The following ZNF730 variants were observed in gnomAD, a reference collection of about 807,000 sequenced individuals.
ZNF730 encodes zinc finger protein 730.
ZNF730 carries 12 observed loss-of-function variants against 12.6 expected under a neutral mutation model. The observed-to-expected ratio is 0.95, with a 90% CI of 0.61 to 1.54. The LOEUF is 1.54. Ranked by LOEUF, ZNF730 falls within the 40% of genes most tolerant of loss-of-function variation. The pLI is 0.00. For missense variants in ZNF730, 643 were observed against 583.5 expected (o/e 1.10, Z -1.05); for synonymous variants, 194 against 195.8 (o/e 0.99, Z 0.08).
intron 1 of ZNF730, among the ~76,000 whole-genome samples, chr19:23,118,366 G>GT (rs3841327): frequency 0.2 from 27,306 of 139,322 alleles, 2,684 homozygotes; most frequent in African/African-American, 0.27. Flanking sequence ...TTTGTTTTTT[G>GT]TTTTTTTTTT....
At chr19:23,140,433 G>A (rs1272876109) in intron 3 of ZNF730, among the ~76,000 whole-genome samples, 2 of 150,408 alleles carry the variant, frequency 1.3e-5, no homozygotes, top group African/African-American at 2.4e-5. Context: ...AACATGGTGA[G>A]ACCCCATCTC....
At chr19:23,132,471 G>A (rs1970756420) in intron 1 of ZNF730, among the ~76,000 whole-genome samples, 2 of 151,482 alleles carry the variant, frequency 1.3e-5, no homozygotes, top group African/African-American at 4.9e-5. Context: ...TCTTATAATA[G>A]TCAAGGATCT....
intron 1 of ZNF730, among the ~76,000 whole-genome samples, chr19:23,096,582 T>C (rs1297105781): frequency 2.0e-5 from 3 of 152,168 alleles, no homozygotes; most frequent in Non-Finnish European, 4.4e-5. Flanking sequence ...TACATATAGC[T>C]GGGCGCAGCC....
intron 1 of ZNF730, among the ~76,000 whole-genome samples, chr19:23,083,256 T>G (rs1306241825): frequency 6.6e-6 from 1 of 151,910 alleles, no homozygotes; most frequent in Non-Finnish European, 1.5e-5. Context: ...ACAACCTGCC[T>G]CTACTGAAAA....
At chr19:23,104,301 CAAA>C (rs56332917) in intron 1 of ZNF730, among the ~76,000 whole-genome samples, 104 of 95,866 alleles carry the variant, frequency 1.1e-3, no homozygotes, top group Non-Finnish European at 1.6e-3. Flanking sequence ...GACTCCATCT[CAAA>C]AAAAAAAAAA....
intron 1 of ZNF730, chr19:23,124,232 G>T (rs539421629): frequency 2.6e-5 from 4 of 152,308 alleles, no homozygotes; most frequent in African/African-American, 7.2e-5. Context: ...ACGCAAGCAG[G>T]GTGCTGCATG....
chr19:23,117,125 T>C lies in ZNF730; in HGVS notation c.-49T>C, dbSNP rs765764931. On this transcript the variant is annotated 5_prime_UTR_variant, in exon 1 of 4. Coordinates refer to ENST00000597761, the MANE Select transcript of ZNF730 (RefSeq NM_001277403.2). Reference sequence around the variant, plus strand: ...CCTGTGTGGCCCTGCGACCTGCGGGTATTGGGAGATCCACAGCTAAGACGC... The same window carrying C: ...CCTGTGTGGCCCTGCGACCTGCGGGCATTGGGAGATCCACAGCTAAGACGC... 1.2e-5 allele frequency: 19 copies of C among 1,613,250 alleles called. No homozygotes were observed. In the East Asian group the frequency reaches 4.2e-4, roughly 36 times the overall value.
Position 23,145,721 on chromosome 19 carries a change from A to C in ZNF730, c.677A>C (p.Lys226Thr), listed in dbSNP as rs779114237. The change falls in exon 4 of 4, where the codon AAA becomes ACA. Residue 226 changes from lysine (K) to threonine (T), a missense_variant. Coordinates refer to ENST00000597761, the MANE Select transcript of ZNF730 (RefSeq NM_001277403.2). Reference sequence around the variant, plus strand: ...ACACATAAAAGAATTACTGAGAAAAAACCTTACAAATGTAAAGAATGTGGC... The same window carrying C: ...ACACATAAAAGAATTACTGAGAAAACACCTTACAAATGTAAAGAATGTGGC... ...CTTHKRITEKKPYKCKECGKA... is the reference protein window; with the variant it reads ...CTTHKRITEKTPYKCKECGKA... The C allele has an allele frequency of 1.9e-6, 3 of 1,557,222 alleles. No homozygotes were observed. In the African/African-American group the frequency reaches 4.1e-5, roughly 21 times the overall value.
upstream of ZNF730, among the ~76,000 whole-genome samples, chr19:23,116,056 T>C (rs1319681751): frequency 1.3e-5 from 2 of 152,246 alleles, no homozygotes. Flanking sequence ...TGATTGGTCC[T>C]TAGTCCCCGC....
In ZNF730 at chr19:23,106,213, AAAG is replaced by A. The variant is rs532831599; in HGVS notation, c.-93-27865_-93-27863del. Among the ~76,000 whole-genome samples, 380 of 152,092 alleles carry A rather than the reference AAAG, an allele frequency of 2.5e-3. 3 individuals carry two copies. Among genetic ancestry groups the A allele is most frequent in the African/African-American group, 7.3e-3 (304 of 41,472 alleles). On this transcript the variant is annotated intron_variant, in intron 1 of 2. Transcript: ENST00000593635. Reference sequence around the variant, plus strand: ...GGAGGAGAAAAGGAAGGGGAAGAAAAAAGAGGAGGAGGAAGGAAAAGCAGGAGG... The same window carrying A: ...GGAGGAGAAAAGGAAGGGGAAGAAAAAGGAGGAGGAAGGAAAAGCAGGAGG...
chr19:23,115,161 T>C (rs992305826), upstream of ZNF730, among the ~76,000 whole-genome samples: 1 of 152,172 alleles, frequency 6.6e-6, no homozygotes, highest in African/African-American at 2.4e-5. Flanking sequence ...CTGTCTTCTT[T>C]TGCAGAAGTG....
chr19:23,109,573 T>C (rs968913978), intron 1 of ZNF730, among the ~76,000 whole-genome samples: 3 of 151,936 alleles, frequency 2.0e-5, no homozygotes, highest in African/African-American at 4.8e-5. Flanking sequence ...AGCTAATTTT[T>C]GTATTTTTAG....
At chr19:23,142,905 G>A (rs1970945408) in intron 3 of ZNF730, among the ~76,000 whole-genome samples, 1 of 151,726 alleles carries the variant, frequency 6.6e-6, no homozygotes, top group Non-Finnish European at 1.5e-5. Flanking sequence ...TATCTATACA[G>A]ATATTTTCTT....
chr19:23,144,139 A>G (rs1970968297), intron 3 of ZNF730: 2 of 151,860 alleles, frequency 1.3e-5, no homozygotes, highest in Non-Finnish European at 2.9e-5. Flanking sequence ...TAATGTGTAC[A>G]TCTTTTCTAT....
At chr19:23,120,635 C>G (rs1186611734) in intron 1 of ZNF730, among the ~76,000 whole-genome samples, 1 of 135,916 alleles carries the variant, frequency 7.4e-6, no homozygotes, top group Non-Finnish European at 1.7e-5. Context: ...TGGTTATTAT[C>G]TTATTAAATT....
At chr19:23,080,847 C>CTTTTTTTTTTTTT (rs552923947) in intron 1 of ZNF730, among the ~76,000 whole-genome samples, 1 of 125,068 alleles carries the variant, frequency 8.0e-6, no homozygotes, top group Non-Finnish European at 1.6e-5. Context: ...TTTTTCTTTT[C>CTTTTTTTTTTTTT]TTTTTTTTTT....
At chr19:23,120,680 G>C (rs192164151) in intron 1 of ZNF730, among the ~76,000 whole-genome samples, 2 of 151,816 alleles carry the variant, frequency 1.3e-5, no homozygotes, top group African/African-American at 4.8e-5. Flanking sequence ...TTTCTTATTT[G>C]TATGACTTTT....
chr19:23,076,189 T>C (rs1969857052), intron 1 of ZNF730, among the ~76,000 whole-genome samples: 1 of 152,332 alleles, frequency 6.6e-6, no homozygotes, highest in Non-Finnish European at 1.5e-5. Context: ...CTATCAACTA[T>C]TTGTCCTTTA....
chr19:23,131,001 A>T (rs1182184187), intron 1 of ZNF730, among the ~76,000 whole-genome samples: 7 of 152,178 alleles, frequency 4.6e-5, no homozygotes. Context: ...AATTTTCTGA[A>T]ACAGAAAAGC....
Sources: gnomAD v4.1 joint callset for allele counts (sites outside exome capture counted in the v4.1 genomes callset) on GRCh38, gnomAD v4.1.1 for gene constraint, MANE v1.5 for transcripts, NCBI Gene and HGNC (gene_info 2026-07-23, HGNC 2026-07-21) for gene names.